SYNGR1: variants seen among roughly 807,000 people sequenced by gnomAD.
SYNGR1 encodes synaptogyrin-1.
SYNGR1 carries 14 observed loss-of-function variants against 26.1 expected under a neutral mutation model. That is an observed-to-expected ratio of 0.54 (90% CI 0.35 to 0.84). The LOEUF is 0.84. Ranked by LOEUF, SYNGR1 falls within the 40% of genes least tolerant of loss-of-function variation. The pLI, the probability that SYNGR1 is intolerant of heterozygous loss-of-function variation, is 0.01. For synonymous variants in SYNGR1, 141 were observed against 150.1 expected, an observed-to-expected ratio of 0.94 and a Z score of 0.44; for missense variants, 319 against 332.9, an observed-to-expected ratio of 0.96 and a Z score of 0.33.
Position 39,364,116 on chromosome 22 carries a change from C to T in SYNGR1, c.100-10200C>T. ...TGTCTGCAGAGGGGAGATACCATCT[C>T]CCCTCAAGTAAAGTGGGCCTGTGCC... On this transcript the variant is annotated intron_variant, in intron 1 of 3. Coordinates refer to ENST00000328933, the MANE Select transcript of SYNGR1 (RefSeq NM_004711.5). The T allele has an allele frequency of 2.5e-6, 4 of 1,607,632 alleles. No individual in the cohort carries two copies. In the South Asian group the frequency reaches 4.4e-5, roughly 18 times the overall value.
In SYNGR1 at chr22:39,384,183, C is replaced by T. The variant is rs1193046925; in HGVS notation, c.*2269C>T. The stretch of plus-strand genomic sequence containing the variant: ...TGTTCTGACCCTCACCCACTGTCCA[C>T]CAAAAGCCTCTCCTGCTGATGGGCA... On this transcript the variant is annotated 3_prime_UTR_variant, in exon 4 of 4. Transcript: ENST00000328933. 4.4e-6 allele frequency: 1 copy of T among 225,510 alleles called. No homozygotes were observed. The highest frequency in any genetic ancestry group is 8.6e-6 in the Non-Finnish European group (1 of 116,292). The allele number at this position is 225,510 out of a possible 1,614,324, so 14.0% of individuals were successfully genotyped here.
At chr22:39,371,874 AG>A (rs149187725) in intron 1 of SYNGR1, among the ~76,000 whole-genome samples, 4,094 of 152,282 alleles carry the variant, frequency 0.027, 135 homozygotes, top group African/African-American at 0.073. Flanking sequence ...TGTTAACAAT[AG>A]CTGAGCCTTA....
chr22:39,353,546 G>A (rs1030950135), intron 1 of SYNGR1, among the ~76,000 whole-genome samples: 1 of 152,224 alleles, frequency 6.6e-6, no homozygotes, highest in African/African-American at 2.4e-5. Context: ...TGGCAGATCA[G>A]CTGCCACTCC....
chr22:39,373,894 C>G (rs1925146035), intron 1 of SYNGR1, among the ~76,000 whole-genome samples: 8 of 152,214 alleles, frequency 5.3e-5, no homozygotes. Context: ...AAGATGGGGC[C>G]CGGCACATGC....
At chr22:39,359,706 T>C (rs1263762140) in intron 1 of SYNGR1, among the ~76,000 whole-genome samples, 3 of 145,862 alleles carry the variant, frequency 2.1e-5, no homozygotes, top group African/African-American at 5.0e-5. Flanking sequence ...CTGCTCCTGC[T>C]CCAGTCCTGG....
In SYNGR1 at chr22:39,368,244, G is replaced by A. The variant is rs562554918; in HGVS notation, c.100-6072G>A. 5.9e-5 allele frequency among the ~76,000 whole-genome samples: 9 copies of A among 152,258 alleles called. No homozygotes were observed. In the East Asian group the frequency reaches 7.7e-4, roughly 13 times the overall value. On this transcript the variant is annotated intron_variant, in intron 1 of 3. Coordinates refer to ENST00000328933, the MANE Select transcript of SYNGR1 (RefSeq NM_004711.5). ...TTCCTCACAATGCATCCTTGGTTTC[G>A]GTGCTATTGTTGCCCCCACTTGACA...
chr22:39,360,613 C>G (rs1407946083), intron 1 of SYNGR1, among the ~76,000 whole-genome samples: 1 of 152,218 alleles, frequency 6.6e-6, no homozygotes, highest in Non-Finnish European at 1.5e-5. Flanking sequence ...CCTCACCCCG[C>G]TCGTCCTCTC....
rs1925594356 is a variant in SYNGR1, at chr22:39,384,410, T to G, written c.*2496T>G. The G allele has an allele frequency of 2.5e-6, 1 of 397,712 alleles. No homozygotes were observed. The highest frequency in any genetic ancestry group is 4.4e-6 in the Non-Finnish European group (1 of 226,010). 24.6% of individuals were successfully genotyped at this position (397,712 alleles called of 1,614,324 possible). On this transcript the variant is annotated 3_prime_UTR_variant, in exon 4 of 4. Coordinates refer to ENST00000328933, the MANE Select transcript of SYNGR1 (RefSeq NM_004711.5). Reference sequence around the variant, plus strand: ...GGGTGCTGAGTCATCTCACGAAGAATCCCTCACTCTTCCCGGGTTCAGCCC... The same window carrying G: ...GGGTGCTGAGTCATCTCACGAAGAAGCCCTCACTCTTCCCGGGTTCAGCCC...
intron 3 of SYNGR1, 146 bp from the exon 4 acceptor site, chr22:39,381,550 G>C: frequency 1.3e-6 from 1 of 786,252 alleles, no homozygotes; most frequent in East Asian, 2.7e-5. Flanking sequence ...AGCCAAGCTT[G>C]GTCTCATGTT....
At chr22:39,380,360 T>C (rs1396341915) in intron 3 of SYNGR1, among the ~76,000 whole-genome samples, 1 of 152,114 alleles carries the variant, frequency 6.6e-6, no homozygotes, top group African/African-American at 2.4e-5. Context: ...GTGGAAGTGG[T>C]CCAGGGCTGG....
At chr22:39,376,999 A>G in intron 3 of SYNGR1, 1 of 1,550,406 alleles carries the variant, frequency 6.4e-7, no homozygotes, top group Non-Finnish European at 8.7e-7. Context: ...CTTCTCTCCT[A>G]ATCACCCTTC....
At chr22:39,359,630 C>CAAAAAA (rs60500594) in intron 1 of SYNGR1, among the ~76,000 whole-genome samples, 1 of 78,136 alleles carries the variant, frequency 1.3e-5, no homozygotes, top group Admixed American at 1.7e-4. Flanking sequence ...GACTCTGTCT[C>CAAAAAA]AAAAAAAAAA....
In SYNGR1 at chr22:39,381,907, G is replaced by A. The variant is rs777516398; in HGVS notation, c.695G>A (p.Gly232Asp). The stretch of plus-strand genomic sequence containing the variant: ...GAGCCCCAGGGCTACCAGTCGCAGG[G>A]CTACTGAGCCACAGTGACCGCCTGC... ...DTEPQGYQSQ[G>D]Y is the part of the protein sequence containing the mutation. The change falls in exon 4 of 4, where the codon GGC (glycine) becomes GAC (aspartate). Residue 232 changes from glycine to aspartate, a missense_variant. Physicochemically the swap from Gly to Asp is moderately conservative, Grantham distance 94. Coordinates refer to ENST00000328933, the MANE Select transcript of SYNGR1 (RefSeq NM_004711.5). The A allele has an allele frequency of 1.1e-5, 18 of 1,608,770 alleles. No individual in the cohort carries two copies. The highest frequency in any genetic ancestry group is 1.0e-4 in the Admixed American group (6 of 59,462).
intron 2 of SYNGR1, chr22:39,374,824 T>G: frequency 1.9e-6 from 1 of 529,198 alleles, no homozygotes; most frequent in Non-Finnish European, 3.4e-6. Flanking sequence ...TGGATGGCAC[T>G]GGGCATGTGC....
At chr22:39,357,198 G>A (rs1434569949) in intron 1 of SYNGR1, among the ~76,000 whole-genome samples, 9 of 152,110 alleles carry the variant, frequency 5.9e-5, no homozygotes, top group Non-Finnish European at 1.3e-4. Context: ...CCCAGGAGGC[G>A]GAGGTTGCAG....
At chr22:39,375,804 C>A in intron 2 of SYNGR1, 1 of 631,396 alleles carries the variant, frequency 1.6e-6, no homozygotes. Flanking sequence ...CTCTGACTGG[C>A]CCTGACCCTG....
chr22:39,375,017 C>T (rs1825360495), intron 2 of SYNGR1: 1 of 222,074 alleles, frequency 4.5e-6, no homozygotes, highest in Non-Finnish European at 9.1e-6. Flanking sequence ...CCTGTGGAGC[C>T]AACCTGACCT....
rs1363387903 is a variant in SYNGR1 at position 39,385,393 on chromosome 22, G to C, written c.*3479G>C. On this transcript the variant is annotated 3_prime_UTR_variant, in exon 4 of 4. Transcript: ENST00000328933. ...TATCTGTGTGTGTGTGTGCGTGTGT[G>C]TGCGGTGAAGGGCGGTCCCCATCCT... The C allele has an allele frequency of 6.5e-6, 1 of 152,988 alleles. No homozygotes were observed. Among genetic ancestry groups the C allele is most frequent in the Non-Finnish European group, 1.5e-5 (1 of 68,304 alleles). 9.5% of individuals were successfully genotyped at this position (152,988 alleles called of 1,614,324 possible). A position where few individuals can be genotyped will look rare whatever the true frequency, so the allele number is the denominator to read the frequency against.
chr22:39,353,365 G>C (rs1924004370), intron 1 of SYNGR1, among the ~76,000 whole-genome samples: 1 of 152,050 alleles, frequency 6.6e-6, no homozygotes, highest in African/African-American at 2.4e-5. Context: ...TTTTTTTAGA[G>C]ACAGGATCTT....
Sources: allele counts gnomAD v4.1 joint callset (sites outside exome capture counted in the v4.1 genomes callset), GRCh38; gene constraint gnomAD v4.1.1; transcripts MANE v1.5; gene names NCBI Gene and HGNC (gene_info 2026-07-23, HGNC 2026-07-21).